Variants in MGST1 observed in about 807,000 individuals in gnomAD.
MGST1 encodes glutathione S-transferase 12.
MGST1 carries 5 observed loss-of-function variants against 8.9 expected under a neutral mutation model. The ratio of observed to expected loss-of-function variants is 0.56; its 90% confidence interval spans 0.29 to 1.19. The LOEUF is 1.19. Among genes scored for constraint, MGST1 ranks in the 50% most tolerant of loss-of-function variants. The pLI is 0.08. For synonymous variants in MGST1, 54 were observed against 67.8 expected (o/e 0.80, Z 1.00); for missense variants, 182 against 187.4 (o/e 0.97, Z 0.17).
intron 4 of MGST1, among the ~76,000 whole-genome samples, chr12:16,523,692 G>A (rs1330409787): frequency 6.6e-6 from 1 of 151,958 alleles, no homozygotes. Flanking sequence ...TTTGGAAAAA[G>A]CCCAAAATTA....
chr12:16,377,607 C>T (rs991481488), downstream of MGST1, among the ~76,000 whole-genome samples: 1 of 151,986 alleles, frequency 6.6e-6, no homozygotes, highest in Admixed American at 6.6e-5. Flanking sequence ...TATATACATA[C>T]GTGTGCATGT....
chr12:16,384,422 G>A lies in MGST1; in HGVS notation n.778+818G>A, dbSNP rs376986352. On this transcript the variant is annotated intron_variant and non_coding_transcript_variant, in intron 1 of 1. Transcript: ENST00000359720. The stretch of plus-strand genomic sequence containing the variant: ...GGAAACAGATGCAGAGACACAGAGA[G>A]AAGTCCACGTGAGGACAGATGCAGA... 1.6e-4 allele frequency among the ~76,000 whole-genome samples: 25 copies of A among 152,250 alleles called. No individual in the cohort carries two copies. In the East Asian group the frequency reaches 3.9e-3, roughly 24 times the overall value.
At chr12:16,348,991 C>T (rs1472330977) in intron 1 of MGST1, 4 of 152,120 alleles carry the variant, frequency 2.6e-5, no homozygotes, top group Non-Finnish European at 5.9e-5. Flanking sequence ...CAGCATTTCA[C>T]CTGCAGCCTC....
chr12:16,395,328 A>T (rs1461078975), intron 1 of MGST1, among the ~76,000 whole-genome samples: 1 of 152,034 alleles, frequency 6.6e-6, no homozygotes, highest in African/African-American at 2.4e-5. Context: ...TACTTTTCTG[A>T]CCTCTCTACA....
In MGST1 at chr12:16,426,356, T is replaced by C. The variant is rs773108667; in HGVS notation, n.779-11032T>C. Among the ~76,000 whole-genome samples the C allele has an allele frequency of 4.1e-4, 62 of 152,210 alleles. 1 individual carries two copies. Among genetic ancestry groups the C allele is most frequent in the Non-Finnish European group, 6.8e-4 (46 of 68,042 alleles). ...ACTTTTCTGAGTCAGAAATTCTATA[T>C]ATTCATCCTAGCAAAACTCAAAGGA... On this transcript the variant is annotated intron_variant and non_coding_transcript_variant, in intron 1 of 1. Coordinates refer to the MGST1 transcript ENST00000359720.
At chr12:16,437,544 C>G (rs894149247) in exon 2 of MGST1, 2 of 152,130 alleles carry the variant, frequency 1.3e-5, no homozygotes, top group Non-Finnish European at 2.9e-5. Flanking sequence ...CTACTGACCT[C>G]AGACTTCTTC....
chr12:16,449,338 C>T (rs959059082), intron 4 of MGST1, among the ~76,000 whole-genome samples: 2 of 151,724 alleles, frequency 1.3e-5, no homozygotes, highest in African/African-American at 4.8e-5. Flanking sequence ...TCGAGTAAAC[C>T]CACTCATCAC....
At chr12:16,360,806 C>T (rs1213117494) in intron 3 of MGST1, among the ~76,000 whole-genome samples, 1 of 152,174 alleles carries the variant, frequency 6.6e-6, no homozygotes, top group East Asian at 1.9e-4. Context: ...GGGACTCTGT[C>T]ATGAGACTGG....
At chr12:16,494,432 T>A (rs1941457680) in intron 4 of MGST1, among the ~76,000 whole-genome samples, 1 of 152,188 alleles carries the variant, frequency 6.6e-6, no homozygotes, top group Non-Finnish European at 1.5e-5. Flanking sequence ...CTTTGTGTAT[T>A]TCATAAGTTT....
chr12:16,416,806 T>C (rs1369344335), intron 1 of MGST1, among the ~76,000 whole-genome samples: 1 of 152,202 alleles, frequency 6.6e-6, no homozygotes, highest in East Asian at 1.9e-4. Flanking sequence ...GAAAGAATTC[T>C]CAAAGATTGG....
chr12:16,392,556 C>T (rs922583451), intron 1 of MGST1, among the ~76,000 whole-genome samples: 10 of 152,128 alleles, frequency 6.6e-5, no homozygotes, highest in Admixed American at 2.0e-4. Flanking sequence ...GTTTGAATGC[C>T]TGACACAATA....
chr12:16,555,582 T>C lies in MGST1; in HGVS notation n.483-33946T>C, dbSNP rs1329413097. On this transcript the variant is annotated intron_variant and non_coding_transcript_variant, in intron 4 of 4. Transcript: ENST00000538857. This position sits in a 1 kb window ranked among gnomAD's most constrained non-coding sequence, Gnocchi z 5.5. Reference sequence around the variant, plus strand: ...TAACAAATGTATTTTAGATGACTAATTTAAATTTGTATTCATTTTGACTTT... The same window carrying C: ...TAACAAATGTATTTTAGATGACTAACTTAAATTTGTATTCATTTTGACTTT... Among the ~76,000 whole-genome samples, 1 of 152,248 alleles carries C rather than the reference T, an allele frequency of 6.6e-6. No individual in the cohort carries two copies. Among genetic ancestry groups the C allele is most frequent in the Non-Finnish European group, 1.5e-5 (1 of 68,040 alleles).
At chr12:16,351,525 G>T (rs1354050885) in intron 1 of MGST1, among the ~76,000 whole-genome samples, 2 of 152,204 alleles carry the variant, frequency 1.3e-5, no homozygotes, top group African/African-American at 4.8e-5. Context: ...ACAAAAATAG[G>T]GGGGCCAGGC....
intron 1 of MGST1, chr12:16,348,804 A>T (rs79313432): frequency 0.54 from 57,863 of 107,340 alleles, 12,210 homozygotes; most frequent in Non-Finnish European, 0.6. Context: ...TGGTAATTAA[A>T]AAAAAAAAAA....
exon 4 of MGST1, chr12:16,376,247 T>C (rs891636218): frequency 3.2e-6 from 2 of 634,642 alleles, no homozygotes; most frequent in African/African-American, 1.9e-5. Flanking sequence ...GAAGAAAAAA[T>C]TTATCTTTTC....
At chr12:16,575,406 C>T (rs1173767174) in intron 4 of MGST1, among the ~76,000 whole-genome samples, 1 of 152,174 alleles carries the variant, frequency 6.6e-6, no homozygotes, top group Non-Finnish European at 1.5e-5. Context: ...AAAGATTTCC[C>T]TTTGCTTACA....
At chr12:16,495,008 G>A (rs949522202) in intron 4 of MGST1, among the ~76,000 whole-genome samples, 2 of 152,120 alleles carry the variant, frequency 1.3e-5, no homozygotes, top group African/African-American at 4.8e-5. Flanking sequence ...AATTCTGGTT[G>A]TACCAAATAC....
intron 4 of MGST1, among the ~76,000 whole-genome samples, chr12:16,521,840 C>T (rs1417028080): frequency 1.3e-5 from 2 of 152,048 alleles, no homozygotes; most frequent in Non-Finnish European, 2.9e-5. Context: ...TGTAAATGCT[C>T]CTCTGCTTTT....
chr12:16,461,006 T>C (rs1488608626), intron 4 of MGST1, among the ~76,000 whole-genome samples: 1 of 151,950 alleles, frequency 6.6e-6, no homozygotes, highest in Non-Finnish European at 1.5e-5. Context: ...GAGGAAGATA[T>C]AGAATAAATG....
Sources: gnomAD v4.1 joint callset for allele counts (sites outside exome capture counted in the v4.1 genomes callset) on GRCh38, gnomAD v4.1.1 for gene constraint, Gnocchi (gnomAD v3.1) non-coding constraint, MANE v1.5 for transcripts, NCBI Gene and HGNC (gene_info 2026-07-23, HGNC 2026-07-21) for gene names.